MS4A3: variants seen among roughly 807,000 people sequenced by gnomAD.
The protein encoded by MS4A3 is membrane spanning 4-domains A3.
A neutral mutation model predicts 24.7 loss-of-function variants in MS4A3; 18 were observed. That is an observed-to-expected ratio of 0.73 (90% CI 0.50 to 1.08). MS4A3 has a LOEUF of 1.08. Ranked by LOEUF, MS4A3 falls within the 50% of genes least tolerant of loss-of-function variation. The pLI is 0.00. For missense variants in MS4A3, 282 were observed against 251.7 expected, an observed-to-expected ratio of 1.12 and a Z score of -0.82; for synonymous variants, 84 against 95.3, an observed-to-expected ratio of 0.88 and a Z score of 0.69.
At chr11:60,061,730 G>A (rs547420949) in intron 2 of MS4A3, among the ~76,000 whole-genome samples, 60 of 152,262 alleles carry the variant, frequency 3.9e-4, no homozygotes, top group East Asian at 2.7e-3. Flanking sequence ...TAAGTTTTAC[G>A]TGGATTTACC....
intron 2 of MS4A3, 148 bp downstream of exon 2, chr11:60,061,464 C>T (rs560066828): frequency 7.2e-5 from 62 of 855,634 alleles, no homozygotes; most frequent in Admixed American, 6.7e-4. Flanking sequence ...GCAAGAACAA[C>T]CCCTGCTCTC....
In MS4A3 at chr11:60,067,132, G is replaced by T; in HGVS notation, c.513+20G>T. 1.3e-6 allele frequency: 2 copies of T among 1,523,122 alleles called. No individual in the cohort carries two copies. 94.4% of individuals were successfully genotyped at this position (1,523,122 alleles called of 1,614,324 possible). ...TCAAATGTATGTTTCTGAAAAATAT[G>T]TATAAGTATAAAATATTTCAAACAA... is the stretch of plus-strand genomic sequence containing the variant. On this transcript the variant is annotated intron_variant, in intron 5 of 6. Coordinates refer to ENST00000278865, the MANE Select transcript of MS4A3 (RefSeq NM_006138.5).
Position 60,062,680 on chromosome 11 carries a change from T to C in MS4A3, c.294+75T>C, listed in dbSNP as rs1381435306. On this transcript the variant is annotated intron_variant, in intron 3 of 6. Transcript: ENST00000278865. ...CTGGAGATGTGTTTGATGACAAAAATATTGTTTGTAGGTTATTGGAAGGTT... is the reference window on the plus strand; with the variant it reads ...CTGGAGATGTGTTTGATGACAAAAACATTGTTTGTAGGTTATTGGAAGGTT... The C allele has an allele frequency of 4.5e-6, 7 of 1,552,498 alleles. No homozygotes were observed. The Admixed American group carries it at 8.8e-5, about 20-fold the overall frequency.
rs375902741 is a variant in MS4A3 at position 60,060,244 on chromosome 11, C to CA, written c.-15-900dup. On this transcript the variant is annotated intron_variant, in intron 1 of 6. Transcript: ENST00000278865. ...TGAGAATTCCGTACATTATCAAAGT[C>CA]AACTCTCGCAATGTTAATATAAAAT... 4.7e-3 allele frequency among the ~76,000 whole-genome samples: 720 copies of CA among 152,242 alleles called. 8 individuals are homozygous for CA. Among genetic ancestry groups the CA allele is most frequent in the African/African-American group, 0.016 (680 of 41,528 alleles).
Position 60,062,621 on chromosome 11 carries a change from C to T in MS4A3, c.294+16C>T, listed in dbSNP as rs774083038. 1 of 1,613,592 alleles carries T rather than the reference C, an allele frequency of 6.2e-7. No individual in the cohort carries two copies. Among genetic ancestry groups the T allele is most frequent in the South Asian group, 1.1e-5 (1 of 90,986 alleles). ...TGCTGTGTTTGTGAGTATTCGTACT[C>T]CCCTGGCTATATGTTATTTCTTAGA... On this transcript the variant is annotated intron_variant, in intron 3 of 6. Coordinates refer to ENST00000278865, the MANE Select transcript of MS4A3 (RefSeq NM_006138.5).
intron 6 of MS4A3, 79 bp downstream of exon 6, chr11:60,069,754 G>C (rs1161941850): frequency 2.0e-6 from 2 of 1,015,142 alleles, no homozygotes; most frequent in Non-Finnish European, 3.1e-6. Flanking sequence ...CTGATGCTTA[G>C]AAATAAACCT....
At chr11:60,064,881 C>T (rs1035577682) in intron 4 of MS4A3, among the ~76,000 whole-genome samples, 1 of 152,136 alleles carries the variant, frequency 6.6e-6, no homozygotes, top group African/African-American at 2.4e-5. Flanking sequence ...ATTTTCAGAC[C>T]TCCACTACTA....
At position 60,059,297 on chromosome 11, in the gene MS4A3, G is replaced by A. The variant is rs566292777; in HGVS notation, c.-15-1849G>A. Among the ~76,000 whole-genome samples the A allele has an allele frequency of 2.4e-4, 37 of 151,954 alleles. No individual in the cohort carries two copies. In the South Asian group the frequency reaches 4.6e-3, roughly 19 times the overall value. On this transcript the variant is annotated intron_variant, in intron 1 of 6. Coordinates refer to ENST00000278865, the MANE Select transcript of MS4A3 (RefSeq NM_006138.5). ...GAAAGGTAAACATCCTGAAAGTGGC[G>A]TGTATTTAGCTTGACAAAAAATTAA...
chr11:60,066,234 C>A (rs1855359150), intron 4 of MS4A3, among the ~76,000 whole-genome samples: 1 of 152,202 alleles, frequency 6.6e-6, no homozygotes, highest in Non-Finnish European at 1.5e-5. Context: ...TTCATCCAAT[C>A]CACCTTGTCT....
chr11:60,061,729 C>T (rs72916631), intron 2 of MS4A3, among the ~76,000 whole-genome samples: 4,252 of 152,228 alleles, frequency 0.028, 75 homozygotes, highest in Middle Eastern at 0.078. Flanking sequence ...ATAAGTTTTA[C>T]GTGGATTTAC....
intron 5 of MS4A3, among the ~76,000 whole-genome samples, chr11:60,068,876 C>G (rs1357485703): frequency 6.6e-6 from 1 of 152,088 alleles, no homozygotes; most frequent in Non-Finnish European, 1.5e-5. Context: ...ACGACAGGCC[C>G]TGGTGTGTGA....
chr11:60,061,386 G>C (rs965551775), intron 2 of MS4A3, 70 bp downstream of exon 2: 2 of 1,524,750 alleles, frequency 1.3e-6, no homozygotes, highest in Non-Finnish European at 1.8e-6. Flanking sequence ...TGTGAATAAC[G>C]TGCGTTTGAA....
At chr11:60,070,087 C>A in intron 6 of MS4A3, 117 bp from the exon 7 acceptor site, 1 of 845,158 alleles carries the variant, frequency 1.2e-6, no homozygotes, top group Non-Finnish European at 2.0e-6. Context: ...GCATTTGGCA[C>A]AGTAAACATC....
intron 1 of MS4A3, among the ~76,000 whole-genome samples, chr11:60,059,422 C>T (rs755233250): frequency 1.3e-5 from 2 of 151,986 alleles, no homozygotes; most frequent in Non-Finnish European, 2.9e-5. Context: ...TTTAGGTTTA[C>T]GGGTACATGT....
At chr11:60,066,717 T>G (rs937695921) in intron 4 of MS4A3, among the ~76,000 whole-genome samples, 1 of 152,210 alleles carries the variant, frequency 6.6e-6, no homozygotes, top group Non-Finnish European at 1.5e-5. Flanking sequence ...TTCAAAAATA[T>G]TATGTAATTT....
chr11:60,068,238 C>CT (rs71456407), intron 5 of MS4A3, among the ~76,000 whole-genome samples: 6,383 of 103,752 alleles, frequency 0.062, 630 homozygotes, highest in African/African-American at 0.13. Flanking sequence ...ATAACCTTAC[C>CT]TTTTTTTTTT....
intron 5 of MS4A3, 40 bp downstream of exon 5, chr11:60,067,152 A>T: frequency 5.4e-6 from 8 of 1,483,890 alleles, no homozygotes; most frequent in Non-Finnish European, 7.3e-6. Flanking sequence ...AAAATATTTC[A>T]AACAATCCAG....
intron 5 of MS4A3, among the ~76,000 whole-genome samples, chr11:60,068,902 G>A (rs1427717709): frequency 7.3e-5 from 11 of 151,488 alleles, no homozygotes; most frequent in Admixed American, 5.9e-4. Context: ...CCCGCCTTGC[G>A]TCCAAGTGTT....
At chr11:60,060,372 A>G (rs1418450212) in intron 1 of MS4A3, among the ~76,000 whole-genome samples, 1 of 152,204 alleles carries the variant, frequency 6.6e-6, no homozygotes, top group Non-Finnish European at 1.5e-5. Flanking sequence ...AATCTTCCAT[A>G]GTGCTTAAAC....
Sources: allele counts gnomAD v4.1 joint callset (sites outside exome capture counted in the v4.1 genomes callset), GRCh38; gene constraint gnomAD v4.1.1; transcripts MANE v1.5; gene names NCBI Gene and HGNC (gene_info 2026-07-23, HGNC 2026-07-21).